PSD3: variants seen among roughly 807,000 people sequenced by gnomAD.
The protein encoded by PSD3 is PH and SEC7 domain-containing protein 3.
PSD3 carries 49 observed loss-of-function variants against 105.5 expected under a neutral mutation model. That is an observed-to-expected ratio of 0.46 (90% CI 0.37 to 0.59). The LOEUF (loss-of-function observed/expected upper bound fraction) is 0.59. Ranked by LOEUF, PSD3 falls within the 20% of genes least tolerant of loss-of-function variation. The pLI, the probability that PSD3 is intolerant of heterozygous loss-of-function variation, is 0.00. For missense variants in PSD3, 1,561 were observed against 1,263.8 expected (o/e 1.24, Z -3.57); for synonymous variants, 557 against 457.8 (o/e 1.22, Z -2.77).
intron 9 of PSD3, among the ~76,000 whole-genome samples, chr8:18,758,068 AAC>A (rs1387532931): frequency 6.6e-6 from 1 of 152,192 alleles, no homozygotes; most frequent in African/African-American, 2.4e-5. Context: ...GTAAGAAAAG[AAC>A]AGAGTCCTTG....
At chr8:18,925,103 T>C (rs1004995568) in intron 2 of PSD3, among the ~76,000 whole-genome samples, 3 of 152,220 alleles carry the variant, frequency 2.0e-5, no homozygotes, top group African/African-American at 2.4e-5. Context: ...ATACAGATTA[T>C]AGAAAGAGTG....
At chr8:19,005,907 T>C (rs1479794722) in intron 1 of PSD3, among the ~76,000 whole-genome samples, 1 of 151,906 alleles carries the variant, frequency 6.6e-6, no homozygotes, top group African/African-American at 2.4e-5. Context: ...TCGTATAGTA[T>C]GTGAATATCT....
At chr8:18,627,197 T>C (rs1402302047) in intron 11 of PSD3, among the ~76,000 whole-genome samples, 1 of 151,974 alleles carries the variant, frequency 6.6e-6, no homozygotes, top group Non-Finnish European at 1.5e-5. Context: ...GTTCCAACAG[T>C]GGAAGAGGGT....
At chr8:19,047,527 T>C (rs986966208) in intron 1 of PSD3, among the ~76,000 whole-genome samples, 2 of 152,074 alleles carry the variant, frequency 1.3e-5, no homozygotes, top group African/African-American at 4.8e-5. Context: ...GGTAAATGAA[T>C]GGAGGAAAGG....
Position 18,801,280 on chromosome 8 carries a change from A to T in PSD3, c.2013T>A (p.Ile671=), listed in dbSNP as rs1169686540. Reference sequence around the variant, plus strand: ...TTTGTATCAGATTACCTTGTGAAGCAATGGTATCTGGGTTACAATAAAAAT... The same window carrying T: ...TTTGTATCAGATTACCTTGTGAAGCTATGGTATCTGGGTTACAATAAAAAT... ...NRYFYCNPDT[I]ASQDGVHCLT... The change falls in exon 7 of 16, where the codon ATT becomes ATA. Residue 671 remains isoleucine (I), a synonymous_variant. Transcript: ENST00000327040. 6.4e-7 allele frequency: 1 copy of T among 1,568,244 alleles called. No homozygotes were observed. The highest frequency in any genetic ancestry group is 8.7e-7 in the Non-Finnish European group (1 of 1,145,126).
intron 9 of PSD3, among the ~76,000 whole-genome samples, chr8:18,687,078 G>A (rs547563898): frequency 5.9e-5 from 9 of 152,244 alleles, no homozygotes; most frequent in East Asian, 1.9e-4. Flanking sequence ...GTGAAGAGCC[G>A]GAGCTCAATG....
intron 1 of PSD3, among the ~76,000 whole-genome samples, chr8:19,038,340 G>T (rs974759979): frequency 2.6e-5 from 4 of 152,010 alleles, no homozygotes; most frequent in South Asian, 2.1e-4. Flanking sequence ...TGAATTTGGG[G>T]TCCCTTTTTC....
chr8:18,720,664 T>G (rs1004825052), intron 9 of PSD3, among the ~76,000 whole-genome samples: 1 of 152,194 alleles, frequency 6.6e-6, no homozygotes, highest in East Asian at 1.9e-4. Context: ...AAATCCAGTG[T>G]TTAGTACAAA....
At chr8:18,931,081 T>C (rs1201750382) in intron 2 of PSD3, among the ~76,000 whole-genome samples, 1 of 152,218 alleles carries the variant, frequency 6.6e-6, no homozygotes, top group African/African-American at 2.4e-5. Flanking sequence ...CTGCCATCCA[T>C]ATATCTTCTT....
At chr8:18,655,842 C>A (rs966852120) in intron 9 of PSD3, among the ~76,000 whole-genome samples, 157 bp from the exon 10 acceptor site, 19 of 152,056 alleles carry the variant, frequency 1.2e-4, no homozygotes, top group African/African-American at 4.4e-4. Context: ...CATGGGGAGG[C>A]AAATGAGCAT....
At chr8:18,692,719 C>G (rs1038908378) in intron 9 of PSD3, among the ~76,000 whole-genome samples, 1 of 152,138 alleles carries the variant, frequency 6.6e-6, no homozygotes, top group African/African-American at 2.4e-5. Flanking sequence ...GTTTGGCTAG[C>G]TGCAAGAATT....
intron 1 of PSD3, among the ~76,000 whole-genome samples, chr8:18,957,114 C>T (rs181788486): frequency 1.5e-3 from 229 of 152,118 alleles, no homozygotes; most frequent in African/African-American, 5.4e-3. Flanking sequence ...GCTTTCACCT[C>T]TAATTCCAAC....
intron 9 of PSD3, among the ~76,000 whole-genome samples, chr8:18,710,767 C>T (rs556938498): frequency 1.8e-4 from 28 of 152,032 alleles, no homozygotes; most frequent in Admixed American, 2.6e-4. Flanking sequence ...CTGCAACGTC[C>T]AACTCCCAGG....
chr8:18,689,943 G>A (rs1202692437), intron 9 of PSD3, among the ~76,000 whole-genome samples: 1 of 152,188 alleles, frequency 6.6e-6, no homozygotes, highest in Non-Finnish European at 1.5e-5. Flanking sequence ...TCATAACTAT[G>A]AAGTGACCAA....
At chr8:18,804,500 C>A in intron 6 of PSD3, 22 bp downstream of exon 6, 1 of 1,553,370 alleles carries the variant, frequency 6.4e-7, no homozygotes, top group African/African-American at 1.4e-5. Context: ...CAATGACGAG[C>A]AGCAAGGAGG....
chr8:18,558,664 T>C (rs1801220623), intron 14 of PSD3, among the ~76,000 whole-genome samples: 2 of 151,946 alleles, frequency 1.3e-5, no homozygotes, highest in South Asian at 4.2e-4. Flanking sequence ...CTACTAAAAA[T>C]ACAAAAATTA....
At chr8:18,698,641 A>G (rs1259501976) in intron 9 of PSD3, among the ~76,000 whole-genome samples, 1 of 152,188 alleles carries the variant, frequency 6.6e-6, no homozygotes, top group African/African-American at 2.4e-5. Flanking sequence ...CTTCAGACCT[A>G]TGAGCTAATA....
chr8:18,673,211 CA>C (rs199827522), intron 9 of PSD3, among the ~76,000 whole-genome samples: 3,598 of 152,158 alleles, frequency 0.024, 166 homozygotes, highest in East Asian at 0.14. Context: ...TCCACACACA[CA>C]CACACACCCA....
At chr8:18,949,668 A>G (rs528479892) in intron 1 of PSD3, among the ~76,000 whole-genome samples, 2 of 152,206 alleles carry the variant, frequency 1.3e-5, no homozygotes, top group South Asian at 2.1e-4. Context: ...CATACCAAGC[A>G]TTTCATCCCT....
Sources: allele counts gnomAD v4.1 joint callset (sites outside exome capture counted in the v4.1 genomes callset), GRCh38; gene constraint gnomAD v4.1.1; transcripts MANE v1.5; gene names NCBI Gene and HGNC (gene_info 2026-07-23, HGNC 2026-07-21).